ANKFY1: variants seen among roughly 807,000 people sequenced by gnomAD.
ANKFY1 encodes ankyrin repeat and FYVE domain containing 1, also known as ankyrin repeat and FYVE domain-containing protein 1.
In ANKFY1, 47 loss-of-function variants were observed where a neutral mutation model predicts 128.3. The observed-to-expected ratio is 0.37, with a 90% CI of 0.29 to 0.47. ANKFY1 has a LOEUF of 0.47. Among genes scored for constraint, ANKFY1 ranks in the 20% least tolerant of loss-of-function variants. The pLI is 1.00. For synonymous variants in ANKFY1, 553 were observed against 601.6 expected (o/e 0.92, Z 1.18); for missense variants, 1,222 against 1,510.6 (o/e 0.81, Z 3.17).
rs536510621 is a variant in ANKFY1, at chr17:4,177,025, T to G, written c.2775+101A>C. Reference sequence around the variant, plus strand: ...CTCGCTCCCCAAATTCCCCAGGTGCTTTCACAACACCGGGCAAAGCACCTG... The same window carrying G: ...CTCGCTCCCCAAATTCCCCAGGTGCGTTCACAACACCGGGCAAAGCACCTG... On this transcript the variant is annotated intron_variant, in intron 19 of 24. Transcript: ENST00000341657. The G allele has an allele frequency of 5.5e-6, 7 of 1,280,468 alleles. No homozygotes were observed. The South Asian group carries it at 1.0e-4, about 19-fold the overall frequency. 79.3% of individuals were successfully genotyped at this position (1,280,468 alleles called of 1,614,324 possible). A position where few individuals can be genotyped will look rare whatever the true frequency, so the allele number is the denominator to read the frequency against.
chr17:4,247,816 G>C (rs1220600354), intron 1 of ANKFY1, among the ~76,000 whole-genome samples: 1 of 152,180 alleles, frequency 6.6e-6, no homozygotes, highest in Non-Finnish European at 1.5e-5. Context: ...CCTTAGGCAG[G>C]TGACTCATTC....
At position 4,195,476 on chromosome 17, in the gene ANKFY1, G is replaced by A. The variant is rs377348554; in HGVS notation, c.1104-5C>T. On this transcript the variant is annotated splice_region_variant and splice_polypyrimidine_tract_variant and intron_variant, in intron 8 of 24. Transcript: ENST00000341657. ...ATGGACACATGTAAAGGAGTCCTGC[G>A]GGATCCAAAAGAAGAGGGGTCAGTT... is the stretch of plus-strand genomic sequence containing the variant. 107 of 1,613,432 alleles carry A rather than the reference G, an allele frequency of 6.6e-5. No individual in the cohort carries two copies. Among genetic ancestry groups the A allele is most frequent in the African/African-American group, 2.4e-4 (18 of 74,860 alleles).
intron 1 of ANKFY1, chr17:4,263,537 C>G (rs1968536883): frequency 1.3e-6 from 2 of 1,531,850 alleles, no homozygotes; most frequent in African/African-American, 1.4e-5. Context: ...GGATGGACCC[C>G]TTCCGGATGC....
At chr17:4,261,555 TAATTTAACCCTGAAA>T (rs1968418381) in intron 1 of ANKFY1, among the ~76,000 whole-genome samples, 3 of 152,248 alleles carry the variant, frequency 2.0e-5, no homozygotes, top group Non-Finnish European at 2.9e-5. Context: ...ATCCCCCTGC[TAATTTAACCCTGAAA>T]GGATGTCTTC....
chr17:4,179,237 A>C, intron 17 of ANKFY1, 180 bp from the exon 18 acceptor site: 1 of 682,614 alleles, frequency 1.5e-6, no homozygotes, highest in Non-Finnish European at 2.5e-6. Flanking sequence ...TTCCTGTTAC[A>C]CCACGTTCCA....
At chr17:4,190,333 C>T (rs761776303) in intron 10 of ANKFY1, among the ~76,000 whole-genome samples, 3 of 152,062 alleles carry the variant, frequency 2.0e-5, no homozygotes, top group Middle Eastern at 3.4e-3. Context: ...CCCAGCTACT[C>T]GGGAGGCTGA....
At chr17:4,204,853 C>T (rs539910114) in intron 7 of ANKFY1, among the ~76,000 whole-genome samples, 21 of 152,176 alleles carry the variant, frequency 1.4e-4, no homozygotes, top group African/African-American at 4.3e-4. Context: ...CAGCACATAA[C>T]GGTGCTTGAG....
chr17:4,213,777 G>A (rs2325901), intron 4 of ANKFY1, among the ~76,000 whole-genome samples: 125,536 of 151,882 alleles, frequency 0.83, 56,301 homozygotes, highest in South Asian at 0.99. Context: ...GTTTCACCAT[G>A]TTAGCCAGGA....
intron 2 of ANKFY1, 111 bp from the exon 3 acceptor site, chr17:4,236,001 G>A: frequency 1.4e-6 from 1 of 732,892 alleles, no homozygotes; most frequent in Non-Finnish European, 2.3e-6. Context: ...ATCTGCAAAA[G>A]AAAAAATTAC....
chr17:4,240,134 G>A (rs1027113252), intron 2 of ANKFY1, among the ~76,000 whole-genome samples: 34 of 143,554 alleles, frequency 2.4e-4, no homozygotes, highest in Admixed American at 2.4e-3. Flanking sequence ...GCGCAATCTC[G>A]GCTCACTGCA....
intron 1 of ANKFY1, among the ~76,000 whole-genome samples, chr17:4,248,216 C>T (rs1424081443): frequency 6.6e-6 from 1 of 152,162 alleles, no homozygotes; most frequent in Non-Finnish European, 1.5e-5. Context: ...CTGGGCCACA[C>T]CCAGCAGGAG....
chr17:4,186,158 T>C (rs1483845680), intron 11 of ANKFY1, among the ~76,000 whole-genome samples: 3 of 152,218 alleles, frequency 2.0e-5, no homozygotes, highest in South Asian at 2.1e-4. Flanking sequence ...TCCACGTGTA[T>C]GTCCGTATGT....
chr17:4,182,444 C>T, intron 14 of ANKFY1, 95 bp from the exon 15 acceptor site: 4 of 950,842 alleles, frequency 4.2e-6, no homozygotes, highest in Non-Finnish European at 5.9e-6. Context: ...AATCTTCTGT[C>T]TCTAATCATA....
Position 4,169,297 on chromosome 17 carries a change from C to G in ANKFY1, c.3287-9G>C. 6.5e-7 allele frequency: 1 copy of G among 1,543,644 alleles called. No homozygotes were observed. The highest frequency in any genetic ancestry group is 8.8e-7 in the Non-Finnish European group (1 of 1,141,756). ...CTCCTTGGACAGCATATCTGCAACA[C>G]AGGGGGGAGGCCCGGTCCCGTCAAA... On this transcript the variant is annotated splice_polypyrimidine_tract_variant and intron_variant, in intron 23 of 24. Transcript: ENST00000341657. The surrounding 1 kb of genome is among the most constrained non-coding windows in gnomAD (Gnocchi z 5.0).
At chr17:4,229,993 T>G (rs1174695422) in intron 3 of ANKFY1, among the ~76,000 whole-genome samples, 2 of 152,238 alleles carry the variant, frequency 1.3e-5, no homozygotes, top group Non-Finnish European at 2.9e-5. Flanking sequence ...TTTTACTCCT[T>G]TTTGTGAGCA....
rs759493361 is a variant in ANKFY1 at position 4,167,800 on chromosome 17, C to T, written c.3489G>A (p.Leu1163=). 4.3e-6 allele frequency: 7 copies of T among 1,613,620 alleles called. No individual in the cohort carries two copies. The African/African-American group carries it at 8.0e-5, about 18-fold the overall frequency. The part of the protein sequence containing the change: ...VRVCNICFDV[L]TLGGVS ...CTCACTAAGAAACCCCACCCAGAGT[C>T]AGTACATCAAAACAAATGTTGCAAA... The change falls in exon 25 of 25, where the codon CTG becomes CTA. Residue 1163 remains leucine, a synonymous_variant. Coordinates refer to ENST00000341657, the MANE Select transcript of ANKFY1 (RefSeq NM_001330063.2). This position sits in a 1 kb window ranked among gnomAD's most constrained non-coding sequence, Gnocchi z 4.1.
chr17:4,257,381 G>A (rs371790048), intron 1 of ANKFY1, among the ~76,000 whole-genome samples: 26 of 152,178 alleles, frequency 1.7e-4, no homozygotes, highest in African/African-American at 5.8e-4. Context: ...GATTCCTTTC[G>A]GTAGTATCGC....
chr17:4,174,222 A>AC (rs1030656840), intron 19 of ANKFY1, among the ~76,000 whole-genome samples, 166 bp from the exon 20 acceptor site: 1 of 152,226 alleles, frequency 6.6e-6, no homozygotes, highest in Non-Finnish European at 1.5e-5. Context: ...TGAAGCAGAA[A>AC]CCAGCAAAAC....
At chr17:4,212,364 C>T (rs190869422) in intron 4 of ANKFY1, among the ~76,000 whole-genome samples, 47 of 152,336 alleles carry the variant, frequency 3.1e-4, no homozygotes, top group Admixed American at 5.9e-4. Context: ...ATTACTTGAG[C>T]TCTCTGTGCC....
Sources: allele counts gnomAD v4.1 joint callset (sites outside exome capture counted in the v4.1 genomes callset), GRCh38; gene constraint gnomAD v4.1.1; non-coding constraint Gnocchi (gnomAD v3.1); transcripts MANE v1.5; gene names NCBI Gene and HGNC (gene_info 2026-07-23, HGNC 2026-07-21).